The following PRKD2 variants were observed in gnomAD, a reference collection of about 807,000 sequenced individuals.
PRKD2 encodes the protein protein kinase D2, also known as serine/threonine-protein kinase D2.
A neutral mutation model predicts 86.0 loss-of-function variants in PRKD2; 22 were observed. The observed-to-expected ratio is 0.26, with a 90% CI of 0.18 to 0.37. The LOEUF (loss-of-function observed/expected upper bound fraction) is 0.37. Ranked by LOEUF, PRKD2 falls within the 10% of genes least tolerant of loss-of-function variation. The pLI is 1.00. For missense variants in PRKD2, 818 were observed against 1,199.2 expected (o/e 0.68, Z 4.70); for synonymous variants, 509 against 510.9 (o/e 1.00, Z 0.05).
At chr19:46,684,696 G>A (rs555671552) in intron 14 of PRKD2, among the ~76,000 whole-genome samples, 1 of 152,166 alleles carries the variant, frequency 6.6e-6, no homozygotes, top group Non-Finnish European at 1.5e-5. Context: ...CGGGCACGGT[G>A]GCTTACGCCT....
At chr19:46,705,566 C>A (rs1239984747) in intron 3 of PRKD2, among the ~76,000 whole-genome samples, 1 of 152,172 alleles carries the variant, frequency 6.6e-6, no homozygotes, top group Non-Finnish European at 1.5e-5. Context: ...GCCGGCGGAT[C>A]ACTTGAGGTC....
At position 46,697,800 on chromosome 19, in the gene PRKD2, G is replaced by A. The variant is rs763806572; in HGVS notation, c.1172C>T (p.Thr391Met). The A allele has an allele frequency of 1.9e-6, 3 of 1,614,002 alleles. No homozygotes were observed. Among genetic ancestry groups the A allele is most frequent in the African/African-American group, 2.7e-5 (2 of 74,900 alleles). Reference protein sequence around the residue: ...LMRVVQSVRHTTRKSSTTLRE... With the variant: ...LMRVVQSVRHMTRKSSTTLRE... ...CAGCGTGGTGCTGGATTTCCGCGTC[G>A]TGTGTCGCACCGATTGCACCACCCT... Residue 391 changes from threonine to methionine, a missense_variant, in exon 8 of 18, where the codon ACG (threonine) becomes ATG (methionine). Coordinates refer to ENST00000291281, the MANE Select transcript of PRKD2 (RefSeq NM_016457.5).
chr19:46,701,221 C>G, intron 5 of PRKD2, 109 bp from the exon 6 acceptor site: 2 of 1,201,920 alleles, frequency 1.7e-6, no homozygotes, highest in Non-Finnish European at 2.4e-6. Flanking sequence ...CTCTTGCTGT[C>G]TGGGTAAGAA....
In PRKD2 at chr19:46,678,186, AG is replaced by A. The variant is rs2053239454; in HGVS notation, c.2338+209del. Among the ~76,000 whole-genome samples the A allele has an allele frequency of 6.6e-6, 1 of 152,108 alleles. No homozygotes were observed. Among genetic ancestry groups the A allele is most frequent in the African/African-American group, 2.4e-5 (1 of 41,412 alleles). On this transcript the variant is annotated intron_variant, in intron 16 of 17. Coordinates refer to ENST00000291281, the MANE Select transcript of PRKD2 (RefSeq NM_016457.5). This position sits in a 1 kb window ranked among gnomAD's most constrained non-coding sequence, Gnocchi z 5.7. ...TCTGGGGCACTTGGTTTCCAGCCCA[AG>A]TAACCTAGTCTAGGCCTGAGTCCCA... is the stretch of plus-strand genomic sequence containing the variant.
At chr19:46,698,105 G>A (rs1382910806) in intron 7 of PRKD2, among the ~76,000 whole-genome samples, 4 of 152,078 alleles carry the variant, frequency 2.6e-5, no homozygotes, top group South Asian at 2.1e-4. Flanking sequence ...GGGTTCAAGC[G>A]ATTCTCGTGC....
chr19:46,681,787 G>T, intron 14 of PRKD2, 39 bp from the exon 15 acceptor site: 1 of 1,387,356 alleles, frequency 7.2e-7, no homozygotes, highest in Non-Finnish European at 1.0e-6. Flanking sequence ...AAGGTAGATA[G>T]GTACTCAGCC....
chr19:46,691,742 G>C lies in PRKD2; in HGVS notation c.1695C>G (p.Val565=). ...GCTCTGAAGTGTCCTCACCTCCATA[G>C]ACCACTCCAAACTGCCCTGAGCCCA... is the stretch of plus-strand genomic sequence containing the variant. ...EVLGSGQFGV[V]YGGKHRKTGR... is the part of the protein sequence containing the mutation. Residue 565 remains valine, a synonymous_variant, in exon 12 of 18, where the codon GTC becomes GTG. Transcript: ENST00000291281. The C allele has an allele frequency of 6.2e-7, 1 of 1,612,518 alleles. No individual in the cohort carries two copies. Among genetic ancestry groups the C allele is most frequent in the Non-Finnish European group, 8.5e-7 (1 of 1,179,948 alleles).
chr19:46,704,580 CG>C lies in PRKD2; in HGVS notation c.580del (p.Arg194GlyfsTer29). 1 of 1,614,054 alleles carries C rather than the reference CG, an allele frequency of 6.2e-7. No individual in the cohort carries two copies. The highest frequency in any genetic ancestry group is 8.5e-7 in the Non-Finnish European group (1 of 1,179,982). ...IPNNCSGARK[R>X]RLSSTSLASG... ...GGCCAGAGACGTGGATGACAGGCGC[CG>C]TTTGCGGGCCCCACTACAGTTGTTG... On this transcript the variant is annotated frameshift_variant, in exon 4 of 18. Coordinates refer to ENST00000291281, the MANE Select transcript of PRKD2 (RefSeq NM_016457.5). LOFTEE classifies it high-confidence loss of function.
At chr19:46,692,602 C>G (rs116286938) in intron 10 of PRKD2, among the ~76,000 whole-genome samples, 1 of 151,608 alleles carries the variant, frequency 6.6e-6, no homozygotes, top group African/African-American at 2.4e-5. Context: ...CTGACCCTGT[C>G]CCTCCTCTGC....
rs547271386 is a variant in PRKD2 at position 46,678,915 on chromosome 19, C to A, written c.2071-252G>T. 2.0e-5 allele frequency among the ~76,000 whole-genome samples: 3 copies of A among 152,312 alleles called. No individual in the cohort carries two copies. The highest frequency in any genetic ancestry group is 4.8e-5 in the African/African-American group (2 of 41,572). ...CTGCCATGATGGTTAGTGAATTAAA[C>A]CATCCAAAGCCCACAGGACAATATT... is the stretch of plus-strand genomic sequence containing the variant. On this transcript the variant is annotated intron_variant, in intron 15 of 17. Coordinates refer to ENST00000291281, the MANE Select transcript of PRKD2 (RefSeq NM_016457.5). The surrounding 1 kb of genome is among the most constrained non-coding windows in gnomAD (Gnocchi z 5.7).
chr19:46,693,885 G>A lies in PRKD2; in HGVS notation c.1566C>T (p.His522=), dbSNP rs147387911. The change falls in exon 10 of 18, where the codon CAC becomes CAT. Residue 522 remains histidine (H), a synonymous_variant. Transcript: ENST00000291281. The surrounding 1 kb of genome is among the most constrained non-coding windows in gnomAD (Gnocchi z 4.5). ...ILQDAPSAPG[H]APHRQASLSI... is the part of the protein sequence containing the mutation. ...GGTGGGAGGACTTACTGTGGGGCGC[G>A]TGGCCTGGGGCGCTGGGTGCGTCCT... The A allele has an allele frequency of 3.1e-5, 50 of 1,598,246 alleles. No individual in the cohort carries two copies. The highest frequency in any genetic ancestry group is 8.8e-5 in the South Asian group (8 of 90,642).
intron 12 of PRKD2, 104 bp downstream of exon 12, chr19:46,691,631 G>C (rs544091259): frequency 8.7e-7 from 1 of 1,144,838 alleles, no homozygotes; most frequent in East Asian, 2.3e-5. Context: ...GTGAGCATGT[G>C]ACCAATCAGA....
intron 3 of PRKD2, among the ~76,000 whole-genome samples, chr19:46,704,995 C>G (rs939794543): frequency 2.6e-5 from 4 of 151,876 alleles, no homozygotes; most frequent in African/African-American, 9.7e-5. Flanking sequence ...CTGCCATCAC[C>G]CCATCTGTCC....
chr19:46,716,356 G>C lies in PRKD2; in HGVS notation c.15C>G (p.Pro5=), dbSNP rs1004907863. MATA[P]SYPAGLPGSP... ...AGCCAGGGAGCCCGGCGGGATAAGA[G>C]GGGGCGGTGGCCATGGGGGGAGGCC... Residue 5 remains proline (P), a synonymous_variant, in exon 1 of 18, where the codon CCC becomes CCG. Coordinates refer to ENST00000291281, the MANE Select transcript of PRKD2 (RefSeq NM_016457.5). This position sits in a 1 kb window ranked among gnomAD's most constrained non-coding sequence, Gnocchi z 7.9. 7 of 1,445,170 alleles carry C rather than the reference G, an allele frequency of 4.8e-6. No individual in the cohort carries two copies. The highest frequency in any genetic ancestry group is 6.4e-6 in the Non-Finnish European group (7 of 1,101,028). 89.5% of individuals were successfully genotyped at this position (1,445,170 alleles called of 1,614,324 possible).
intron 3 of PRKD2, among the ~76,000 whole-genome samples, chr19:46,705,833 T>C (rs907201907): frequency 2.0e-5 from 3 of 151,658 alleles, no homozygotes; most frequent in African/African-American, 7.3e-5. Context: ...CATTGTACCA[T>C]ACTAGGCAGA....
chr19:46,681,297 C>CTTTTTTTTTT, intron 15 of PRKD2, among the ~76,000 whole-genome samples: 1 of 149,112 alleles, frequency 6.7e-6, no homozygotes. Context: ...CTCTGTTATT[C>CTTTTTTTTTT]AGGCTGGAGT....
intron 14 of PRKD2, among the ~76,000 whole-genome samples, chr19:46,684,019 C>T (rs1360490507): frequency 8.7e-5 from 5 of 57,650 alleles, no homozygotes; most frequent in Non-Finnish European, 1.6e-4. Flanking sequence ...ATGCCAAGTA[C>T]ACCAGAAGCA....
intron 2 of PRKD2, among the ~76,000 whole-genome samples, chr19:46,711,761 C>A (rs1004630202): frequency 2.0e-5 from 3 of 152,056 alleles, no homozygotes; most frequent in South Asian, 4.1e-4. Flanking sequence ...AATACCACCA[C>A]CAACAACAAA....
At chr19:46,688,442 A>ATTT (rs923962731) in intron 14 of PRKD2, among the ~76,000 whole-genome samples, 8 of 139,334 alleles carry the variant, frequency 5.7e-5, no homozygotes, top group African/African-American at 1.6e-4. Flanking sequence ...TATTATTATT[A>ATTT]TTTTTTTTTT....
Sources: allele counts gnomAD v4.1 joint callset (sites outside exome capture counted in the v4.1 genomes callset), GRCh38; gene constraint gnomAD v4.1.1; non-coding constraint Gnocchi (gnomAD v3.1); transcripts MANE v1.5; gene names NCBI Gene and HGNC (gene_info 2026-07-23, HGNC 2026-07-21).